Variants in CACNA1I observed in about 807,000 individuals in gnomAD.
The protein encoded by CACNA1I is calcium voltage-gated channel subunit alpha1 I.
Under a neutral mutation model 201.6 loss-of-function variants are expected in CACNA1I, and 74 were observed. The observed-to-expected ratio is 0.37, with a 90% CI of 0.30 to 0.45. The LOEUF is 0.45. CACNA1I is among the 20% of genes least tolerant of loss of function. The pLI is 1.00. For missense variants in CACNA1I, 2,346 were observed against 3,138.1 expected, an observed-to-expected ratio of 0.75 and a Z score of 6.03; for synonymous variants, 1,431 against 1,345.2, an observed-to-expected ratio of 1.06 and a Z score of -1.40.
intron 10 of CACNA1I, chr22:39,656,723 C>T (rs573301197): frequency 2.2e-4 from 112 of 519,054 alleles, no homozygotes; most frequent in South Asian, 1.5e-3. Flanking sequence ...TGGAGTCCAG[C>T]TTGGTTCAGT....
Position 39,659,644 on chromosome 22 carries a change from G to C in CACNA1I, c.2449-53G>C, listed in dbSNP as rs1185493635. ...CTGACAACTCCCATGCCTCCTTGTA[G>C]AGCCTAGCCCTGGACTAGGGGTACC... is the stretch of plus-strand genomic sequence containing the variant. On this transcript the variant is annotated intron_variant, in intron 13 of 36. Transcript: ENST00000402142. This position sits in a 1 kb window ranked among gnomAD's most constrained non-coding sequence, Gnocchi z 4.3. 8 of 1,608,164 alleles carry C rather than the reference G, an allele frequency of 5.0e-6. No individual in the cohort carries two copies. The East Asian group carries it at 1.3e-4, about 27-fold the overall frequency.
chr22:39,659,998 T>A lies in CACNA1I; in HGVS notation c.2604+146T>A. On this transcript the variant is annotated intron_variant, in intron 14 of 36. Transcript: ENST00000402142. The surrounding 1 kb of genome is among the most constrained non-coding windows in gnomAD (Gnocchi z 4.3). The stretch of plus-strand genomic sequence containing the variant: ...AAGGAGGGGGTTGCTGATGAGGTGG[T>A]GAGCTCTTCATCATAGGAAGCATGC... 1 of 860,166 alleles carries A rather than the reference T, an allele frequency of 1.2e-6. No homozygotes were observed. Among genetic ancestry groups the A allele is most frequent in the Non-Finnish European group, 1.8e-6 (1 of 550,592 alleles). 53.3% of individuals were successfully genotyped at this position (860,166 alleles called of 1,614,324 possible). A position where few individuals can be genotyped will look rare whatever the true frequency, so the allele number is the denominator to read the frequency against.
At chr22:39,605,995 C>T (rs971530520) in intron 3 of CACNA1I, among the ~76,000 whole-genome samples, 5 of 152,098 alleles carry the variant, frequency 3.3e-5, no homozygotes, top group African/African-American at 7.2e-5. Flanking sequence ...AACTCATAGC[C>T]GTCCTTCAGA....
intron 4 of CACNA1I, among the ~76,000 whole-genome samples, chr22:39,620,977 C>T (rs999106844): frequency 1.3e-5 from 2 of 152,092 alleles, no homozygotes; most frequent in Non-Finnish European, 2.9e-5. Context: ...AGGCTGGTCT[C>T]GAACTCCTGA....
intron 4 of CACNA1I, among the ~76,000 whole-genome samples, chr22:39,623,160 T>TGTGTGAGGGTGTGTGTGG (rs1016970155): frequency 1.8e-4 from 28 of 152,186 alleles, no homozygotes; most frequent in African/African-American, 4.3e-4. Context: ...TCTCTACATC[T>TGTGTGAGGGTGTGTGTGG]GTGTGAGGGT....
At position 39,684,517 on chromosome 22, in the gene CACNA1I, C is replaced by A; in HGVS notation, c.6027+19C>A. ...CCGGCAGGTACCGACACCTCCCAGG[C>A]CCTAGAGCACTGGTCTGTGGGCAAG... On this transcript the variant is annotated intron_variant, in intron 36 of 36. Coordinates refer to ENST00000402142, the MANE Select transcript of CACNA1I (RefSeq NM_021096.4). This position sits in a 1 kb window ranked among gnomAD's most constrained non-coding sequence, Gnocchi z 4.6. The A allele has an allele frequency of 1.9e-6, 3 of 1,606,530 alleles. No individual in the cohort carries two copies. The highest frequency in any genetic ancestry group is 2.6e-6 in the Non-Finnish European group (3 of 1,176,338).
chr22:39,661,365 G>A (rs1935006143), intron 16 of CACNA1I, 55 bp downstream of exon 16: 2 of 1,365,354 alleles, frequency 1.5e-6, no homozygotes, highest in South Asian at 2.9e-5. Flanking sequence ...TGTGTGTGGA[G>A]GGGCCCTGAA....
intron 5 of CACNA1I, among the ~76,000 whole-genome samples, chr22:39,637,762 A>G (rs1783822669): frequency 6.6e-6 from 1 of 152,234 alleles, no homozygotes; most frequent in African/African-American, 2.4e-5. Flanking sequence ...AGTCCAGTTT[A>G]TCAATCATTT....
intron 23 of CACNA1I, 125 bp from the exon 24 acceptor site, chr22:39,668,167 A>T: frequency 1.6e-6 from 1 of 642,106 alleles, no homozygotes; most frequent in Non-Finnish European, 2.9e-6. Flanking sequence ...GCTCTGCCAC[A>T]CAGAGAAGAC....
chr22:39,595,305 A>C (rs1041127575), intron 1 of CACNA1I, among the ~76,000 whole-genome samples: 13 of 151,042 alleles, frequency 8.6e-5, no homozygotes, highest in African/African-American at 3.2e-4. Context: ...ATAAATAAAT[A>C]AACAAAAATA....
chr22:39,680,831 G>A, intron 33 of CACNA1I, 99 bp from the exon 34 acceptor site: 1 of 1,349,210 alleles, frequency 7.4e-7, no homozygotes, highest in South Asian at 1.5e-5. Flanking sequence ...CCACTGCTCG[G>A]CCTCTCTTCA....
chr22:39,638,735 A>G (rs984257034), intron 5 of CACNA1I, among the ~76,000 whole-genome samples: 11 of 152,040 alleles, frequency 7.2e-5, no homozygotes, highest in Non-Finnish European at 1.0e-4. Flanking sequence ...GCTTTAGATC[A>G]GCAGTCCCCA....
At chr22:39,680,660 C>T (rs1381622253) in intron 33 of CACNA1I, among the ~76,000 whole-genome samples, 5 of 152,184 alleles carry the variant, frequency 3.3e-5, no homozygotes, top group Admixed American at 2.0e-4. Flanking sequence ...TCACAGCCCA[C>T]GGCAACTCAC....
chr22:39,615,149 AGAG>A (rs2146387248), intron 3 of CACNA1I, among the ~76,000 whole-genome samples: 1 of 152,256 alleles, frequency 6.6e-6, no homozygotes, highest in South Asian at 2.1e-4. Context: ...TGGGGTGGAA[AGAG>A]GAGAAGGGGA....
chr22:39,582,791 C>G (rs925948686), intron 1 of CACNA1I, among the ~76,000 whole-genome samples: 2 of 139,110 alleles, frequency 1.4e-5, no homozygotes, highest in Non-Finnish European at 3.1e-5. Flanking sequence ...CCATCTTTCC[C>G]CCATACACTC....
At chr22:39,607,014 AC>A (rs139732650) in intron 3 of CACNA1I, among the ~76,000 whole-genome samples, 1,654 of 152,258 alleles carry the variant, frequency 0.011, 30 homozygotes, top group African/African-American at 0.038. Context: ...GGCCATTGCC[AC>A]CTGTGGGGAG....
rs369359659 is a variant in CACNA1I at position 39,570,997 on chromosome 22, C to T, written c.236+9C>T. The T allele has an allele frequency of 4.3e-5, 69 of 1,609,702 alleles. No individual in the cohort carries two copies. The highest frequency in any genetic ancestry group is 2.7e-4 in the East Asian group (12 of 44,882). ...AAGATGGTGTGCAACCCATATCCTC[C>T]GCAGCCTCGGCTGATCGGGGCCCTG... On this transcript the variant is annotated intron_variant, in intron 1 of 36. Coordinates refer to ENST00000402142, the MANE Select transcript of CACNA1I (RefSeq NM_021096.4).
chr22:39,650,264 T>G (rs1446881902), intron 10 of CACNA1I, among the ~76,000 whole-genome samples: 1 of 151,660 alleles, frequency 6.6e-6, no homozygotes, highest in Non-Finnish European at 1.5e-5. Context: ...CAAATCTGAC[T>G]TCTATTCACC....
chr22:39,654,049 A>G (rs542925587), intron 10 of CACNA1I, among the ~76,000 whole-genome samples: 50 of 152,296 alleles, frequency 3.3e-4, no homozygotes, highest in South Asian at 2.1e-3. Context: ...CACCGCCATC[A>G]CTGCATCACA....
Sources: gnomAD v4.1 joint callset for allele counts (sites outside exome capture counted in the v4.1 genomes callset) on GRCh38, gnomAD v4.1.1 for gene constraint, Gnocchi (gnomAD v3.1) non-coding constraint, MANE v1.5 for transcripts, NCBI Gene and HGNC (gene_info 2026-07-23, HGNC 2026-07-21) for gene names.